The following NRCAM variants were observed in gnomAD, a reference collection of about 807,000 sequenced individuals.
NRCAM encodes neuronal cell adhesion molecule.
In NRCAM, 83 loss-of-function variants were observed where a neutral mutation model predicts 156.5. The ratio of observed to expected loss-of-function variants is 0.53; its 90% confidence interval spans 0.44 to 0.64. NRCAM has a LOEUF of 0.64. Among genes scored for constraint, NRCAM ranks in the 30% least tolerant of loss-of-function variants. The probability of loss-of-function intolerance (pLI) is 0.00; values close to 1 mark genes in which losing one functional copy is unlikely to be tolerated. For missense variants in NRCAM, 1,417 were observed against 1,597.3 expected, an observed-to-expected ratio of 0.89 and a Z score of 1.92; for synonymous variants, 538 against 563.9, an observed-to-expected ratio of 0.95 and a Z score of 0.65.
rs1270832472 is a variant in NRCAM at position 108,405,965 on chromosome 7, T to TTG, written c.-331-6373_-331-6372insCA. Reference sequence around the variant, plus strand: ...GAGAATGCCTCTACAATTTTTTTTTTTTTTTAATTTAAAAAGAGATACTTT... The same window carrying TTG: ...GAGAATGCCTCTACAATTTTTTTTTTTGTTTTTAATTTAAAAAGAGATACTTT... On this transcript the variant is annotated intron_variant, in intron 1 of 32. Transcript: ENST00000379028. 3.0e-5 allele frequency among the ~76,000 whole-genome samples: 4 copies of TTG among 133,164 alleles called. No individual in the cohort carries two copies. The Admixed American group carries it at 3.2e-4, about 11-fold the overall frequency. 87.4% of individuals were successfully genotyped at this position (133,164 alleles called of 152,430 possible).
At position 108,411,937 on chromosome 7, in the gene NRCAM, T is replaced by C. The variant is rs2300042; in HGVS notation, c.-331-12344A>G. ...TAGGTACTTAAGTTGATCCATTTTC[T>C]TTAAGGAAACAAAACTACAGTAAAC... On this transcript the variant is annotated intron_variant, in intron 1 of 32. Coordinates refer to ENST00000379028, the MANE Select transcript of NRCAM (RefSeq NM_001037132.4). Among the ~76,000 whole-genome samples, 119 of 152,326 alleles carry C rather than the reference T, an allele frequency of 7.8e-4. 2 individuals are homozygous for C. The East Asian group carries it at 0.022, about 28-fold the overall frequency.
At chr7:108,216,893 C>T (rs901958963) in intron 11 of NRCAM, among the ~76,000 whole-genome samples, 2 of 152,062 alleles carry the variant, frequency 1.3e-5, no homozygotes, top group African/African-American at 4.8e-5. Flanking sequence ...TACTATTACC[C>T]ACCTTCTGAA....
At chr7:108,275,078 G>C (rs182507507) in intron 3 of NRCAM, among the ~76,000 whole-genome samples, 9 of 152,316 alleles carry the variant, frequency 5.9e-5, no homozygotes, top group Non-Finnish European at 7.3e-5. Context: ...TTGCATCCCA[G>C]GGATGAAGCC....
intron 1 of NRCAM, among the ~76,000 whole-genome samples, chr7:108,453,563 T>G (rs1223366716): frequency 6.6e-6 from 1 of 152,244 alleles, no homozygotes; most frequent in Non-Finnish European, 1.5e-5. Flanking sequence ...CTGAGCCCTA[T>G]TGCAGTTGTT....
intron 2 of NRCAM, among the ~76,000 whole-genome samples, chr7:108,366,867 G>C (rs1040603156): frequency 4.6e-5 from 7 of 152,082 alleles, no homozygotes; most frequent in Non-Finnish European, 1.0e-4. Context: ...ACAAGGCTTG[G>C]GCGATGCTTA....
intron 6 of NRCAM, 76 bp downstream of exon 6, chr7:108,234,507 C>G: frequency 1.1e-6 from 1 of 946,106 alleles, no homozygotes; most frequent in South Asian, 1.4e-5. Flanking sequence ...GATGGAAATT[C>G]CCAAACATAT....
rs889495368 is a variant in NRCAM, at chr7:108,273,518, A to G, written c.-106-33348T>C. ...GACCAGTGATGATGAGCTTTTTTTCATATGTCTGTTGGCTGCATAAATGTC... is the reference window on the plus strand; with the variant it reads ...GACCAGTGATGATGAGCTTTTTTTCGTATGTCTGTTGGCTGCATAAATGTC... On this transcript the variant is annotated intron_variant, in intron 3 of 32. Coordinates refer to ENST00000379028, the MANE Select transcript of NRCAM (RefSeq NM_001037132.4). Among the ~76,000 whole-genome samples, 11 of 151,886 alleles carry G rather than the reference A, an allele frequency of 7.2e-5. No homozygotes were observed. In the South Asian group the frequency reaches 1.2e-3, roughly 17 times the overall value.
intron 1 of NRCAM, among the ~76,000 whole-genome samples, chr7:108,427,222 C>T (rs932722582): frequency 3.3e-5 from 5 of 152,132 alleles, no homozygotes; most frequent in Admixed American, 3.3e-4. Flanking sequence ...CCCAAAGACC[C>T]AGGGCATGCA....
At position 108,229,013 on chromosome 7, in the gene NRCAM, G is replaced by A. The variant is rs543138973; in HGVS notation, c.550+2018C>T. On this transcript the variant is annotated intron_variant, in intron 8 of 32. Coordinates refer to ENST00000379028, the MANE Select transcript of NRCAM (RefSeq NM_001037132.4). Reference sequence around the variant, plus strand: ...ATTAAAATGCAGATTAAATGTTAGAGGCAAATTTTCTCTTTAGTAATGTAT... The same window carrying A: ...ATTAAAATGCAGATTAAATGTTAGAAGCAAATTTTCTCTTTAGTAATGTAT... Among the ~76,000 whole-genome samples the A allele has an allele frequency of 9.9e-5, 15 of 152,224 alleles. No individual in the cohort carries two copies. In the East Asian group the frequency reaches 2.9e-3, roughly 29 times the overall value.
chr7:108,175,540 C>A (rs2060154854), intron 27 of NRCAM, among the ~76,000 whole-genome samples, 183 bp from the exon 28 acceptor site: 1 of 152,062 alleles, frequency 6.6e-6, no homozygotes. Flanking sequence ...GTATTCAAAT[C>A]CAGTACCAAC....
chr7:108,190,686 A>C (rs1228765731), intron 19 of NRCAM, among the ~76,000 whole-genome samples: 1 of 152,210 alleles, frequency 6.6e-6, no homozygotes, highest in African/African-American at 2.4e-5. Flanking sequence ...AGATTCTAAA[A>C]AGCCACACAA....
At chr7:108,405,305 G>A (rs556121145) in intron 1 of NRCAM, among the ~76,000 whole-genome samples, 33 of 152,332 alleles carry the variant, frequency 2.2e-4, no homozygotes, top group African/African-American at 7.5e-4. Flanking sequence ...GGGCATTCAC[G>A]CCTCAGTGCG....
intron 25 of NRCAM, 48 bp from the exon 26 acceptor site, chr7:108,178,160 A>T: frequency 6.3e-7 from 1 of 1,588,966 alleles, no homozygotes; most frequent in African/African-American, 1.3e-5. Flanking sequence ...GAATGTTTCA[A>T]CATGTATTAA....
chr7:108,369,278 AT>A (rs1595411038), intron 2 of NRCAM, among the ~76,000 whole-genome samples: 2 of 152,210 alleles, frequency 1.3e-5, no homozygotes, highest in African/African-American at 2.4e-5. Flanking sequence ...ACCCACATAC[AT>A]TTTGACACTA....
intron 3 of NRCAM, among the ~76,000 whole-genome samples, chr7:108,284,607 ATTCT>A (rs1385469243): frequency 1.3e-5 from 2 of 151,856 alleles, no homozygotes; most frequent in African/African-American, 2.4e-5. Flanking sequence ...TCCCCTTCTC[ATTCT>A]TTAAGTCTCC....
rs148111723 is a variant in NRCAM at position 108,148,699 on chromosome 7, G to A, written c.*1211C>T. ...AGTTTTGAACACTTACATAGGTAAAGTCTTGGAGAATAATATATTACTGTT... is the reference window on the plus strand; with the variant it reads ...AGTTTTGAACACTTACATAGGTAAAATCTTGGAGAATAATATATTACTGTT... On this transcript the variant is annotated 3_prime_UTR_variant, in exon 33 of 33. Coordinates refer to ENST00000379028, the MANE Select transcript of NRCAM (RefSeq NM_001037132.4). The A allele has an allele frequency of 4.0e-4, 61 of 152,772 alleles. No homozygotes were observed. The highest frequency in any genetic ancestry group is 1.4e-3 in the African/African-American group (60 of 41,584). The allele number at this position is 152,772 out of a possible 1,614,324, so 9.5% of individuals were successfully genotyped here.
intron 8 of NRCAM, among the ~76,000 whole-genome samples, chr7:108,227,837 G>A (rs1384455747): frequency 6.6e-6 from 1 of 152,214 alleles, no homozygotes; most frequent in Non-Finnish European, 1.5e-5. Context: ...AACATTTCAT[G>A]AAATGCAAAA....
intron 22 of NRCAM, 53 bp from the exon 23 acceptor site, chr7:108,182,973 C>A (rs1290563026): frequency 7.1e-7 from 1 of 1,414,470 alleles, no homozygotes; most frequent in African/African-American, 1.4e-5. Context: ...ACTGCACAAT[C>A]TTTTACAGGA....
intron 2 of NRCAM, among the ~76,000 whole-genome samples, chr7:108,345,451 T>C (rs531632080): frequency 3.9e-5 from 6 of 152,320 alleles, no homozygotes; most frequent in African/African-American, 1.2e-4. Flanking sequence ...AACTTCTACC[T>C]TGAGATTGAT....
Sources: allele counts gnomAD v4.1 joint callset (sites outside exome capture counted in the v4.1 genomes callset), GRCh38; gene constraint gnomAD v4.1.1; transcripts MANE v1.5; gene names NCBI Gene and HGNC (gene_info 2026-07-23, HGNC 2026-07-21).